ERBB4: variants seen among roughly 807,000 people sequenced by gnomAD.
ERBB4 encodes the protein erb-b2 receptor tyrosine kinase 4.
ERBB4 carries 42 observed loss-of-function variants against 158.0 expected under a neutral mutation model. That is an observed-to-expected ratio of 0.27 (90% CI 0.21 to 0.34). The LOEUF (loss-of-function observed/expected upper bound fraction) is 0.34, where lower values mean the gene tolerates loss of function less well. ERBB4 is among the 10% of genes least tolerant of loss of function. ERBB4 has a pLI of 1.00. For missense variants in ERBB4, 1,333 were observed against 1,624.1 expected (o/e 0.82, Z 3.08); for synonymous variants, 583 against 558.7 (o/e 1.04, Z -0.61).
intron 20 of ERBB4, among the ~76,000 whole-genome samples, chr2:211,434,468 C>T (rs1460639499): frequency 6.6e-6 from 1 of 152,146 alleles, no homozygotes; most frequent in Non-Finnish European, 1.5e-5. Context: ...GGAATCAGGT[C>T]CTCAACTAGA....
intron 2 of ERBB4, among the ~76,000 whole-genome samples, chr2:211,991,833 A>G (rs1194108621): frequency 6.6e-6 from 1 of 152,126 alleles, no homozygotes; most frequent in Non-Finnish European, 1.5e-5. Context: ...TTCTCCCCTA[A>G]GTCTTCGGCT....
intron 5 of ERBB4, among the ~76,000 whole-genome samples, chr2:211,729,300 C>G (rs985280572): frequency 6.6e-6 from 1 of 151,658 alleles, no homozygotes; most frequent in African/African-American, 2.4e-5. Flanking sequence ...TTATGGCTTT[C>G]ATTTTCCAAA....
chr2:211,638,660 T>C (rs1229920677), intron 16 of ERBB4, among the ~76,000 whole-genome samples: 3 of 152,200 alleles, frequency 2.0e-5, no homozygotes, highest in Non-Finnish European at 4.4e-5. Flanking sequence ...CTCGGCTTTA[T>C]GTGTTAAAAT....
intron 3 of ERBB4, among the ~76,000 whole-genome samples, chr2:211,870,374 G>C (rs923955337): frequency 6.6e-6 from 1 of 151,902 alleles, no homozygotes; most frequent in African/African-American, 2.4e-5. Flanking sequence ...GAAATATACT[G>C]TCCTAATCAT....
chr2:211,969,510 A>G (rs1002703053), intron 2 of ERBB4, among the ~76,000 whole-genome samples: 6 of 152,052 alleles, frequency 3.9e-5, no homozygotes, highest in Admixed American at 1.3e-4. Context: ...CCGTATTTAT[A>G]AAGTTGAGAG....
intron 1 of ERBB4, among the ~76,000 whole-genome samples, chr2:212,276,505 C>T (rs914186042): frequency 6.6e-6 from 1 of 151,626 alleles, no homozygotes; most frequent in Admixed American, 6.6e-5. Context: ...CACAGCTTCC[C>T]CATGGAAACC....
In ERBB4 at chr2:211,758,331, A is replaced by G. The variant is rs75421070; in HGVS notation, c.557-7627T>C. 9.4e-3 allele frequency among the ~76,000 whole-genome samples: 1,434 copies of G among 152,346 alleles called. 28 individuals carry two copies. The highest frequency in any genetic ancestry group is 0.033 in the African/African-American group (1,355 of 41,578). On this transcript the variant is annotated intron_variant, in intron 4 of 27. Transcript: ENST00000342788. ...GGAAATGAACTTCAAAGAAAATCAC[A>G]TTAAAAGGTCTTAATGCTTTTTGGA... is the stretch of plus-strand genomic sequence containing the variant.
intron 1 of ERBB4, among the ~76,000 whole-genome samples, chr2:212,445,474 A>G (rs2092330561): frequency 6.6e-6 from 1 of 152,190 alleles, no homozygotes; most frequent in Non-Finnish European, 1.5e-5. Context: ...GGAAGTTAAG[A>G]TTGCCACCTA....
At chr2:212,030,827 G>C (rs182611223) in intron 2 of ERBB4, among the ~76,000 whole-genome samples, 1 of 152,048 alleles carries the variant, frequency 6.6e-6, no homozygotes, top group Non-Finnish European at 1.5e-5. Context: ...AGTTCCAGGA[G>C]GTAAAACCAT....
intron 12 of ERBB4, among the ~76,000 whole-genome samples, chr2:211,681,898 A>T (rs190153217): frequency 1.8e-3 from 276 of 152,146 alleles, no homozygotes; most frequent in African/African-American, 6.5e-3. Flanking sequence ...GGTGTGTCCA[A>T]CCCAGGTTCA....
intron 1 of ERBB4, among the ~76,000 whole-genome samples, chr2:212,271,561 AAAT>A (rs1222947301): frequency 1.3e-5 from 2 of 151,814 alleles, no homozygotes; most frequent in African/African-American, 4.8e-5. Context: ...TCACAAAGCA[AAAT>A]AATAGTCAGT....
chr2:212,097,682 A>G (rs1258132027), intron 2 of ERBB4, among the ~76,000 whole-genome samples: 3 of 152,306 alleles, frequency 2.0e-5, no homozygotes, highest in Middle Eastern at 3.4e-3. Context: ...AGGATCAGGC[A>G]GATGGGACAA....
chr2:212,079,143 G>T (rs1469463030), intron 2 of ERBB4, among the ~76,000 whole-genome samples: 1 of 150,818 alleles, frequency 6.6e-6, no homozygotes, highest in Non-Finnish European at 1.5e-5. Context: ...ATATGTATCA[G>T]ATATACACAT....
intron 3 of ERBB4, among the ~76,000 whole-genome samples, chr2:211,851,827 AT>A (rs1380433337): frequency 6.6e-6 from 1 of 151,850 alleles, no homozygotes; most frequent in African/African-American, 2.4e-5. Context: ...TTTCTCAAGA[AT>A]TTTTTTAATC....
chr2:211,745,195 A>C (rs2106193734), intron 5 of ERBB4, among the ~76,000 whole-genome samples: 1 of 152,332 alleles, frequency 6.6e-6, no homozygotes, highest in East Asian at 1.9e-4. Context: ...ACTTTAAAAA[A>C]ATGAATCGTG....
intron 19 of ERBB4, among the ~76,000 whole-genome samples, chr2:211,584,034 T>C (rs7602757): frequency 0.89 from 128,597 of 145,184 alleles, 57,172 homozygotes; most frequent in African/African-American, 0.96. Context: ...ACTAGATGCT[T>C]TCATTTCCCC....
intron 3 of ERBB4, among the ~76,000 whole-genome samples, chr2:211,794,753 T>C (rs1167614206): frequency 6.6e-6 from 1 of 151,916 alleles, no homozygotes; most frequent in South Asian, 2.1e-4. Flanking sequence ...CTTGTAACAG[T>C]ACTCAAATTA....
intron 3 of ERBB4, among the ~76,000 whole-genome samples, chr2:211,800,562 C>T (rs536331056): frequency 6.6e-6 from 1 of 150,596 alleles, no homozygotes; most frequent in Non-Finnish European, 1.5e-5. Flanking sequence ...TAAGAACTCA[C>T]AGTAATTTCC....
intron 1 of ERBB4, among the ~76,000 whole-genome samples, chr2:212,250,614 TTGATAATA>T (rs1400928666): frequency 6.6e-6 from 1 of 151,994 alleles, no homozygotes; most frequent in Non-Finnish European, 1.5e-5. Flanking sequence ...ACCATCTGAA[TTGATAATA>T]TTCCAATAAC....
Sources: allele counts gnomAD v4.1 joint callset (sites outside exome capture counted in the v4.1 genomes callset), GRCh38; gene constraint gnomAD v4.1.1; transcripts MANE v1.5; gene names NCBI Gene and HGNC (gene_info 2026-07-23, HGNC 2026-07-21).